Variants in MEGF8 observed in about 807,000 individuals in gnomAD.
The protein encoded by MEGF8 is multiple epidermal growth factor-like domains protein 8.
In MEGF8, 156 loss-of-function variants were observed where a neutral mutation model predicts 302.9. The observed-to-expected ratio is 0.52, with a 90% CI of 0.45 to 0.59. MEGF8 has a LOEUF of 0.59. Ranked by LOEUF, MEGF8 falls within the 20% of genes least tolerant of loss-of-function variation. The pLI, the probability that MEGF8 is intolerant of heterozygous loss-of-function variation, is 0.00. For synonymous variants in MEGF8, 1,621 were observed against 1,660.5 expected (o/e 0.98, Z 0.58); for missense variants, 3,345 against 3,964.5 (o/e 0.84, Z 4.20).
Position 42,336,238 on chromosome 19 carries a change from T to C in MEGF8, c.1136T>C (p.Val379Ala). 1.2e-6 allele frequency: 2 copies of C among 1,609,072 alleles called. No homozygotes were observed. Among genetic ancestry groups the C allele is most frequent in the Non-Finnish European group, 1.7e-6 (2 of 1,179,862 alleles). ...DSTSGGYWEQVIPAGGRPPAA... is the reference protein window; with the variant it reads ...DSTSGGYWEQAIPAGGRPPAA... ...ACCAGCGGGGGCTATTGGGAGCAGG[T>C]GATTCCGGCAGGCGGACGGCCCCCT... Residue 379 changes from valine to alanine, a missense_variant, in exon 6 of 42, where the codon GTG becomes GCG. Val to Ala is a moderately conservative substitution (Grantham distance 64). Coordinates refer to ENST00000251268, the MANE Select transcript of MEGF8 (RefSeq NM_001271938.2). This position sits in a 1 kb window ranked among gnomAD's most constrained non-coding sequence, Gnocchi z 4.8.
chr19:42,370,656 G>T, intron 39 of MEGF8, 45 bp from the exon 40 acceptor site: 1 of 1,569,666 alleles, frequency 6.4e-7, no homozygotes, highest in Non-Finnish European at 8.6e-7. Context: ...GGAGGAGGGG[G>T]TTGGTCCAGG....
Position 42,352,216 on chromosome 19 carries a change from A to C in MEGF8, c.3110A>C (p.Gln1037Pro). 6.5e-7 allele frequency: 1 copy of C among 1,538,634 alleles called. No homozygotes were observed. ...ACTCTCCCACCCTGCAGGTGCCTAC[A>C]GGGGGACTTCTCAGGGCCCCTCGGT... The part of the protein sequence containing the change: ...EDNPTLGRCL[Q>P]GDFSGPLGGG... Residue 1037 changes from glutamine (Q) to proline (P), a missense_variant, in exon 19 of 42, where the codon CAG (glutamine) becomes CCG (proline). Transcript: ENST00000251268. The surrounding 1 kb of genome is among the most constrained non-coding windows in gnomAD (Gnocchi z 4.4).
rs1252393911 is a variant in MEGF8 at position 42,358,050 on chromosome 19, G to A, written c.5012-94G>A. 4.7e-6 allele frequency: 6 copies of A among 1,264,782 alleles called. No homozygotes were observed. Among genetic ancestry groups the A allele is most frequent in the African/African-American group, 4.6e-5 (3 of 64,630 alleles). 78.3% of individuals were successfully genotyped at this position (1,264,782 alleles called of 1,614,324 possible). A position where few individuals can be genotyped will look rare whatever the true frequency, so the allele number is the denominator to read the frequency against. The stretch of plus-strand genomic sequence containing the variant: ...CCAGGCCTCCAGTCTCAGGGCCGGG[G>A]AAGGGAGTGGTCACCGAACAGGGGA... On this transcript the variant is annotated intron_variant, in intron 28 of 41. Transcript: ENST00000251268. The surrounding 1 kb of genome is among the most constrained non-coding windows in gnomAD (Gnocchi z 4.4).
At chr19:42,348,648 G>A (rs1207119560) in intron 13 of MEGF8, among the ~76,000 whole-genome samples, 176 bp downstream of exon 13, 1 of 152,208 alleles carries the variant, frequency 6.6e-6, no homozygotes, top group Non-Finnish European at 1.5e-5. Context: ...TGTCCAGGCT[G>A]GAGTGCAGTG....
At position 42,334,203 on chromosome 19, in the gene MEGF8, C is replaced by T. The variant is rs750904616; in HGVS notation, c.548C>T (p.Thr183Ile). ...TCAGCCTACTGTGGCAGCCACGGCA[C>T]CTGCGCCTCGGTGAGCCGGTCCCCA... ...ECSAYCGSHGTCASPLGPCRC... is the reference protein window; with the variant it reads ...ECSAYCGSHGICASPLGPCRC... Residue 183 changes from threonine (T) to isoleucine (I), a missense_variant, in exon 3 of 42, where the codon ACC becomes ATC. Transcript: ENST00000251268. 6.3e-7 allele frequency: 1 copy of T among 1,598,612 alleles called. No individual in the cohort carries two copies. Among genetic ancestry groups the T allele is most frequent in the Non-Finnish European group, 8.5e-7 (1 of 1,171,556 alleles).
chr19:42,337,886 C>G (rs945300215), intron 8 of MEGF8, among the ~76,000 whole-genome samples: 4 of 152,090 alleles, frequency 2.6e-5, no homozygotes, highest in African/African-American at 9.7e-5. Flanking sequence ...TCACTGCGAC[C>G]TCCACCTCCC....
At chr19:42,327,157 A>G (rs1314488597) in intron 1 of MEGF8, among the ~76,000 whole-genome samples, 1 of 152,250 alleles carries the variant, frequency 6.6e-6, no homozygotes, top group Non-Finnish European at 1.5e-5. Context: ...TGTGTGGCAT[A>G]TAGTAACTGT....
At position 42,337,143 on chromosome 19, in the gene MEGF8, T is replaced by C. The variant is rs1438010083; in HGVS notation, c.1450T>C (p.Tyr484His). The C allele has an allele frequency of 1.9e-6, 3 of 1,613,904 alleles. No homozygotes were observed. Among genetic ancestry groups the C allele is most frequent in the African/African-American group, 2.7e-5 (2 of 74,930 alleles). The part of the protein sequence containing the change: ...EKCYEDGIFF[Y>H]HLGCHQWVSG... Reference sequence around the variant, plus strand: ...GTGCTACGAAGATGGCATCTTCTTCTACCACCTTGGCTGCCATCAATGGGT... The same window carrying C: ...GTGCTACGAAGATGGCATCTTCTTCCACCACCTTGGCTGCCATCAATGGGT... Residue 484 changes from tyrosine (Y) to histidine (H), a missense_variant, in exon 8 of 42, where the codon TAC becomes CAC. Transcript: ENST00000251268.
In MEGF8 at chr19:42,326,124, AT is replaced by A. The variant is rs1035903212; in HGVS notation, c.-119del. Reference sequence around the variant, plus strand: ...CTGCCGGGTCTCCGGGACCTCTTCGATCTACAAGGTCATGTTATGCCTATAG... The same window carrying A: ...CTGCCGGGTCTCCGGGACCTCTTCGACTACAAGGTCATGTTATGCCTATAG... On this transcript the variant is annotated 5_prime_UTR_variant, in exon 1 of 42. The change abolishes the stop of an existing upstream ORF in the 5' untranslated region. Transcript: ENST00000251268. 206 of 1,357,664 alleles carry A rather than the reference AT, an allele frequency of 1.5e-4. No individual in the cohort carries two copies. The highest frequency in any genetic ancestry group is 1.8e-4 in the Non-Finnish European group (192 of 1,054,724). 84.1% of individuals were successfully genotyped at this position (1,357,664 alleles called of 1,614,324 possible). A position where few individuals can be genotyped will look rare whatever the true frequency, so the allele number is the denominator to read the frequency against.
In MEGF8 at chr19:42,356,059, CCT is replaced by C. The variant is rs558462533; in HGVS notation, c.4393-23_4393-22del. ...GGACAGGGCTGGTGATCAGGGCTCC[CCT>C]GAGTCCCTTGTCATCCCCCAGAGCC... On this transcript the variant is annotated intron_variant, in intron 24 of 41. Coordinates refer to ENST00000251268, the MANE Select transcript of MEGF8 (RefSeq NM_001271938.2). The surrounding 1 kb of genome is among the most constrained non-coding windows in gnomAD (Gnocchi z 5.2). The C allele has an allele frequency of 1.9e-6, 3 of 1,593,082 alleles. No homozygotes were observed. Among genetic ancestry groups the C allele is most frequent in the Admixed American group, 3.4e-5 (2 of 59,108 alleles).
At position 42,376,724 on chromosome 19, in the gene MEGF8, G is replaced by A. The variant is rs773571688; in HGVS notation, c.8487G>A (p.Ala2829=). The change falls in exon 42 of 42, where the codon GCG becomes GCA. Residue 2829 remains alanine (A), a synonymous_variant. Coordinates refer to ENST00000251268, the MANE Select transcript of MEGF8 (RefSeq NM_001271938.2). This position sits in a 1 kb window ranked among gnomAD's most constrained non-coding sequence, Gnocchi z 8.2. The stretch of plus-strand genomic sequence containing the variant: ...GGGGCAGTGGGCATGGGACTGGTGC[G>A]GGCCGGAAGGGACTGTTGAGCCAGG... ...GAGGSGHGTG[A]GRKGLLSQDN... is the part of the protein sequence containing the mutation. 71 of 1,483,454 alleles carry A rather than the reference G, an allele frequency of 4.8e-5. No individual in the cohort carries two copies. In the South Asian group the frequency reaches 5.4e-4, roughly 11 times the overall value. The allele number at this position is 1,483,454 out of a possible 1,614,324, so 91.9% of individuals were successfully genotyped here. A position where few individuals can be genotyped will look rare whatever the true frequency, so the allele number is the denominator to read the frequency against.
rs1401941551 is a variant in MEGF8, at chr19:42,375,758, C to G, written c.7521C>G (p.Ser2507=). The change falls in exon 42 of 42, where the codon TCC becomes TCG. Residue 2507 remains serine (S), a synonymous_variant. Coordinates refer to ENST00000251268, the MANE Select transcript of MEGF8 (RefSeq NM_001271938.2). This position sits in a 1 kb window ranked among gnomAD's most constrained non-coding sequence, Gnocchi z 7.1. Reference sequence around the variant, plus strand: ...CCGTGGACCTCTATGTCTCCACCTCCTATGACACCTTCGTGGTCCGTGTGG... The same window carrying G: ...CCGTGGACCTCTATGTCTCCACCTCGTATGACACCTTCGTGGTCCGTGTGG... ...FGAVDLYVST[S]YDTFVVRVAP... is the part of the protein sequence containing the mutation. 6.2e-7 allele frequency: 1 copy of G among 1,613,050 alleles called. No individual in the cohort carries two copies. The highest frequency in any genetic ancestry group is 1.1e-5 in the South Asian group (1 of 91,020).
chr19:42,357,039 GC>G lies in MEGF8; in HGVS notation c.4830+59del. 3 of 1,462,152 alleles carry G rather than the reference GC, an allele frequency of 2.1e-6. No individual in the cohort carries two copies. The highest frequency in any genetic ancestry group is 2.8e-6 in the Non-Finnish European group (3 of 1,087,754). 90.6% of individuals were successfully genotyped at this position (1,462,152 alleles called of 1,614,324 possible). On this transcript the variant is annotated intron_variant, in intron 27 of 41. Coordinates refer to ENST00000251268, the MANE Select transcript of MEGF8 (RefSeq NM_001271938.2). The surrounding 1 kb of genome is among the most constrained non-coding windows in gnomAD (Gnocchi z 5.2). ...CTCACACTGGGCCCTGACAGAGACAGCTGTGGTAGCTCCTGCCAGCTCCATC... is the reference window on the plus strand; with the variant it reads ...CTCACACTGGGCCCTGACAGAGACAGTGTGGTAGCTCCTGCCAGCTCCATC...
At chr19:42,345,789 C>CA (rs2039280998) in intron 12 of MEGF8, among the ~76,000 whole-genome samples, 2 of 152,192 alleles carry the variant, frequency 1.3e-5, no homozygotes, top group African/African-American at 4.8e-5. Context: ...CATCTGTTTT[C>CA]AATTCTTGTG....
At position 42,369,611 on chromosome 19, in the gene MEGF8, A is replaced by G; in HGVS notation, c.6722A>G (p.His2241Arg). 1 of 1,612,972 alleles carries G rather than the reference A, an allele frequency of 6.2e-7. No individual in the cohort carries two copies. Among genetic ancestry groups the G allele is most frequent in the Non-Finnish European group, 8.5e-7 (1 of 1,179,794 alleles). The stretch of plus-strand genomic sequence containing the variant: ...GTGGAGCCCGACCACTGCCGCTGCC[A>G]CTTTGGCTTTGTGGGCCGCAACTGC... ...SCVEPDHCRC[H>R]FGFVGRNCST... The change falls in exon 38 of 42, where the codon CAC (histidine) becomes CGC (arginine). Residue 2241 changes from histidine to arginine, a missense_variant. His to Arg is a conservative substitution (Grantham distance 29). Transcript: ENST00000251268. The surrounding 1 kb of genome is among the most constrained non-coding windows in gnomAD (Gnocchi z 5.7).
intron 9 of MEGF8, 35 bp downstream of exon 9, chr19:42,343,666 G>T (rs773468779): frequency 8.3e-6 from 13 of 1,568,372 alleles, no homozygotes; most frequent in Non-Finnish European, 1.1e-5. Flanking sequence ...GGGTGGCTGG[G>T]GGGAGGAGGT....
At position 42,358,271 on chromosome 19, in the gene MEGF8, C is replaced by T. The variant is rs1340157681; in HGVS notation, c.5139C>T (p.Arg1713=). The change falls in exon 29 of 42, where the codon CGC becomes CGT. Residue 1713 remains arginine, a synonymous_variant. Coordinates refer to ENST00000251268, the MANE Select transcript of MEGF8 (RefSeq NM_001271938.2). The surrounding 1 kb of genome is among the most constrained non-coding windows in gnomAD (Gnocchi z 4.4). The part of the protein sequence containing the change: ...PELYSLHCPD[R]TWSLLAPSQG... ...TCTACTCCCTGCACTGTCCTGACCG[C>T]ACCTGGAGTCTGCTGGCCCCTTCTC... The T allele has an allele frequency of 3.1e-6, 5 of 1,605,432 alleles. No individual in the cohort carries two copies. Among genetic ancestry groups the T allele is most frequent in the Non-Finnish European group, 4.3e-6 (5 of 1,176,370 alleles).
At position 42,368,602 on chromosome 19, in the gene MEGF8, TG is replaced by T. The variant is rs1258909672; in HGVS notation, c.6428del (p.Gly2143AlafsTer20). 5.1e-6 allele frequency: 8 copies of T among 1,572,662 alleles called. No homozygotes were observed. The highest frequency in any genetic ancestry group is 3.7e-5 in the Admixed American group (2 of 53,370). On this transcript the variant is annotated frameshift_variant, in exon 36 of 42. Transcript: ENST00000251268. LOFTEE classifies it high-confidence loss of function. The surrounding 1 kb of genome is among the most constrained non-coding windows in gnomAD (Gnocchi z 4.9). The stretch of plus-strand genomic sequence containing the variant: ...GCGCCCCCATTGCGGCTGGTGTGCC[TG>T]GGGGGGCCAGGATGGGGGTGGCCGC... Reference protein sequence around the residue: ...LRRPHCGWCAWGGQDGGGRCM... With the variant: ...LRRPHCGWCAXGGQDGGGRCM...
rs1341946528 is a variant in MEGF8, at chr19:42,376,433, G to A, written c.8196G>A (p.Leu2732=). The A allele has an allele frequency of 6.2e-7, 1 of 1,612,020 alleles. No individual in the cohort carries two copies. Among genetic ancestry groups the A allele is most frequent in the Non-Finnish European group, 8.5e-7 (1 of 1,179,520 alleles). ...PPAFRRSEPF[L]APLLLTGAGG... The stretch of plus-strand genomic sequence containing the variant: ...CCTTCCGCCGCTCTGAGCCCTTCCT[G>A]GCACCCCTGCTGCTGACAGGGGCCG... Residue 2732 remains leucine (L), a synonymous_variant, in exon 42 of 42, where the codon CTG becomes CTA. Transcript: ENST00000251268. The surrounding 1 kb of genome is among the most constrained non-coding windows in gnomAD (Gnocchi z 8.2).
Sources: gnomAD v4.1 joint callset for allele counts (sites outside exome capture counted in the v4.1 genomes callset) on GRCh38, gnomAD v4.1.1 for gene constraint, Gnocchi (gnomAD v3.1) non-coding constraint, MANE v1.5 for transcripts, NCBI Gene and HGNC (gene_info 2026-07-23, HGNC 2026-07-21) for gene names.